Variants in CYRIA observed in about 807,000 individuals in gnomAD.
CYRIA encodes the protein CYFIP related Rac1 interactor A, also known as CYFIP-related Rac1 interactor A.
In CYRIA, 15 loss-of-function variants were observed where a neutral mutation model predicts 43.9. The observed-to-expected ratio is 0.34, with a 90% CI of 0.23 to 0.53. The LOEUF is 0.53. Ranked by LOEUF, CYRIA falls within the 20% of genes least tolerant of loss-of-function variation. The probability of loss-of-function intolerance (pLI) is 0.94; values close to 1 mark genes in which losing one functional copy is unlikely to be tolerated. For missense variants in CYRIA, 236 were observed against 394.2 expected (o/e 0.60, Z 3.40); for synonymous variants, 117 against 136.0 (o/e 0.86, Z 0.97).
intron 3 of CYRIA, among the ~76,000 whole-genome samples, chr2:16,579,895 AAC>A (rs1667489340): frequency 6.6e-6 from 1 of 152,186 alleles, no homozygotes; most frequent in Non-Finnish European, 1.5e-5. Context: ...ACATTAATTA[AAC>A]ATATATGTAA....
chr2:16,574,308 A>G (rs1667247630), intron 3 of CYRIA, among the ~76,000 whole-genome samples: 1 of 152,220 alleles, frequency 6.6e-6, no homozygotes, highest in Non-Finnish European at 1.5e-5. Flanking sequence ...GAGCTGCTAA[A>G]GACATTCAGT....
intron 1 of CYRIA, among the ~76,000 whole-genome samples, chr2:16,634,713 G>A (rs1485341618): frequency 6.6e-6 from 1 of 152,218 alleles, no homozygotes; most frequent in Non-Finnish European, 1.5e-5. Context: ...AGACTAATAT[G>A]TGATCAGCAG....
chr2:16,603,076 C>T (rs774794453), intron 2 of CYRIA, among the ~76,000 whole-genome samples: 3 of 152,156 alleles, frequency 2.0e-5, no homozygotes, highest in Admixed American at 6.5e-5. Context: ...TGAGATACTA[C>T]TTCCTTGCTT....
intron 1 of CYRIA, among the ~76,000 whole-genome samples, chr2:16,654,120 G>C (rs1338691159): frequency 6.6e-6 from 1 of 152,186 alleles, no homozygotes; most frequent in Non-Finnish European, 1.5e-5. Context: ...TCAACAAGGA[G>C]TGTTTCTGTT....
chr2:16,622,228 A>G (rs1669019272), intron 2 of CYRIA, among the ~76,000 whole-genome samples: 1 of 152,186 alleles, frequency 6.6e-6, no homozygotes, highest in Non-Finnish European at 1.5e-5. Context: ...TTTTCAGCTA[A>G]TACCTCATGG....
At chr2:16,630,102 G>C (rs1669285079) in intron 1 of CYRIA, among the ~76,000 whole-genome samples, 1 of 152,160 alleles carries the variant, frequency 6.6e-6, no homozygotes, top group South Asian at 2.1e-4. Context: ...TGTGTGCCAG[G>C]CATGGTCTAG....
At chr2:16,624,758 GA>G (rs1231093457) in intron 1 of CYRIA, among the ~76,000 whole-genome samples, 4 of 152,138 alleles carry the variant, frequency 2.6e-5, no homozygotes, top group Non-Finnish European at 5.9e-5. Context: ...CCAAATCATA[GA>G]AAATAGAGGG....
intron 2 of CYRIA, among the ~76,000 whole-genome samples, chr2:16,588,638 T>C (rs1244818411): frequency 6.6e-6 from 1 of 152,064 alleles, no homozygotes; most frequent in Non-Finnish European, 1.5e-5. Context: ...AGACGGCATT[T>C]TAAAAATACC....
chr2:16,590,060 G>A (rs537479180), intron 2 of CYRIA, among the ~76,000 whole-genome samples: 1 of 138,868 alleles, frequency 7.2e-6, no homozygotes, highest in African/African-American at 3.1e-5. Context: ...ATATATTTGG[G>A]CATGCATGCA....
chr2:16,644,613 T>G (rs753836525), intron 1 of CYRIA, among the ~76,000 whole-genome samples: 1 of 152,212 alleles, frequency 6.6e-6, no homozygotes, highest in African/African-American at 2.4e-5. Flanking sequence ...AAGACACTTG[T>G]CATTACCAAA....
intron 3 of CYRIA, among the ~76,000 whole-genome samples, chr2:16,584,865 C>T (rs1200344859): frequency 6.6e-6 from 1 of 152,146 alleles, no homozygotes; most frequent in South Asian, 2.1e-4. Context: ...GAAGACTTCT[C>T]CAATTCCTTC....
chr2:16,660,618 G>T (rs1670228287), intron 1 of CYRIA, among the ~76,000 whole-genome samples: 1 of 152,106 alleles, frequency 6.6e-6, no homozygotes, highest in Non-Finnish European at 1.5e-5. Flanking sequence ...AACCCACCCC[G>T]TACATATTTG....
At chr2:16,634,669 TGG>T (rs60452596) in intron 1 of CYRIA, among the ~76,000 whole-genome samples, 7 of 152,000 alleles carry the variant, frequency 4.6e-5, no homozygotes, top group African/African-American at 1.7e-4. Flanking sequence ...GGCATGTGTC[TGG>T]GGGGTGGCAG....
intron 3 of CYRIA, among the ~76,000 whole-genome samples, chr2:16,567,474 G>A (rs761558981): frequency 1.3e-4 from 20 of 152,140 alleles, no homozygotes; most frequent in East Asian, 7.7e-4. Flanking sequence ...GATAAGTGAC[G>A]GCGAAGTGGG....
chr2:16,605,624 T>C (rs1310314955), intron 2 of CYRIA, among the ~76,000 whole-genome samples: 1 of 152,212 alleles, frequency 6.6e-6, no homozygotes, highest in East Asian at 1.9e-4. Context: ...CTTAGTGTCA[T>C]GTTGGGCAAG....
intron 3 of CYRIA, among the ~76,000 whole-genome samples, chr2:16,585,090 T>TCTTACAAGTACACTCA (rs1667681020): frequency 6.6e-6 from 1 of 152,072 alleles, no homozygotes; most frequent in Non-Finnish European, 1.5e-5. Flanking sequence ...ACAACCATAT[T>TCTTACAAGTACACTCA]CAACATGCCC....
chr2:16,614,800 C>A (rs550047312), intron 2 of CYRIA, among the ~76,000 whole-genome samples: 1 of 152,226 alleles, frequency 6.6e-6, no homozygotes, highest in Non-Finnish European at 1.5e-5. Flanking sequence ...GGCAAGGTGC[C>A]ACATCCCTCT....
rs74635035 is a variant in CYRIA, at chr2:16,659,063, C to T, written c.-167+6717G>A. 5.1e-3 allele frequency among the ~76,000 whole-genome samples: 784 copies of T among 152,316 alleles called. 7 individuals carry two copies. The highest frequency in any genetic ancestry group is 0.017 in the African/African-American group (695 of 41,554). On this transcript the variant is annotated intron_variant, in intron 1 of 11. Transcript: ENST00000381323. ...GCTGAGCAAAGGACACCCTGAAGGACGTCAGCCAAACACAGACACACCAGT... is the reference window on the plus strand; with the variant it reads ...GCTGAGCAAAGGACACCCTGAAGGATGTCAGCCAAACACAGACACACCAGT...
At chr2:16,592,904 G>A (rs2103467008) in intron 2 of CYRIA, among the ~76,000 whole-genome samples, 1 of 152,282 alleles carries the variant, frequency 6.6e-6, no homozygotes, top group African/African-American at 2.4e-5. Flanking sequence ...AGTAATACAT[G>A]AATAGGATCA....
Sources: allele counts gnomAD v4.1 joint callset (sites outside exome capture counted in the v4.1 genomes callset), GRCh38; gene constraint gnomAD v4.1.1; transcripts MANE v1.5; gene names NCBI Gene and HGNC (gene_info 2026-07-23, HGNC 2026-07-21).